The following PRKCA variants were observed in gnomAD, a reference collection of about 807,000 sequenced individuals.
PRKCA encodes the protein protein kinase C alpha type.
PRKCA carries 27 observed loss-of-function variants against 87.0 expected under a neutral mutation model. The observed-to-expected ratio is 0.31, with a 90% CI of 0.23 to 0.43. The LOEUF (loss-of-function observed/expected upper bound fraction) is 0.43. PRKCA is among the 20% of genes least tolerant of loss of function. The probability of loss-of-function intolerance (pLI) is 1.00; values close to 1 mark genes in which losing one functional copy is unlikely to be tolerated. For missense variants in PRKCA, 518 were observed against 852.3 expected (o/e 0.61, Z 4.88); for synonymous variants, 329 against 311.1 (o/e 1.06, Z -0.61).
intron 2 of PRKCA, among the ~76,000 whole-genome samples, chr17:66,321,367 G>A (rs1905647079): frequency 6.6e-6 from 1 of 152,148 alleles, no homozygotes; most frequent in Admixed American, 6.6e-5. Context: ...ATACTCGGAG[G>A]ATGGACAGAA....
intron 5 of PRKCA, among the ~76,000 whole-genome samples, chr17:66,679,256 C>T (rs1021158903): frequency 2.7e-5 from 4 of 148,686 alleles, no homozygotes; most frequent in African/African-American, 1.0e-4. Flanking sequence ...TCTGGGCTCA[C>T]TGCAAGCTCT....
chr17:66,442,499 A>G (rs1268983654), intron 2 of PRKCA, among the ~76,000 whole-genome samples: 1 of 152,054 alleles, frequency 6.6e-6, no homozygotes, highest in East Asian at 1.9e-4. Context: ...TTCTGCCTGT[A>G]ATCATTTAAA....
At chr17:66,304,657 A>G (rs1904708276) in intron 1 of PRKCA, among the ~76,000 whole-genome samples, 1 of 152,222 alleles carries the variant, frequency 6.6e-6, no homozygotes, top group Non-Finnish European at 1.5e-5. Context: ...GGCAGGTCCC[A>G]TGATCGTGGT....
intron 3 of PRKCA, among the ~76,000 whole-genome samples, chr17:66,559,760 A>G (rs1425323975): frequency 6.6e-6 from 1 of 152,208 alleles, no homozygotes; most frequent in Non-Finnish European, 1.5e-5. Flanking sequence ...TTTCAAGTCA[A>G]CAGCTTAAAA....
At chr17:66,775,172 G>T in intron 14 of PRKCA, 14 of 963,092 alleles carry the variant, frequency 1.5e-5, no homozygotes, top group Non-Finnish European at 1.7e-5. Context: ...CCTGTGGTCA[G>T]TGCCCACCCC....
intron 2 of PRKCA, among the ~76,000 whole-genome samples, chr17:66,365,798 G>A (rs1253836341): frequency 6.6e-6 from 1 of 152,156 alleles, no homozygotes; most frequent in Non-Finnish European, 1.5e-5. Context: ...TTAAACGCAT[G>A]CCAAAGGCTC....
chr17:66,743,082 G>C (rs148339047), intron 13 of PRKCA, among the ~76,000 whole-genome samples: 1 of 152,204 alleles, frequency 6.6e-6, no homozygotes, highest in East Asian at 1.9e-4. Flanking sequence ...TGTAATCCCA[G>C]CACTTTGGGA....
intron 3 of PRKCA, among the ~76,000 whole-genome samples, chr17:66,607,837 C>G (rs1227995686): frequency 6.6e-6 from 1 of 152,050 alleles, no homozygotes; most frequent in East Asian, 1.9e-4. Context: ...ATTCAGTGGA[C>G]GTTGTCATTT....
At chr17:66,591,331 T>A (rs1598799518) in intron 3 of PRKCA, among the ~76,000 whole-genome samples, 3 of 151,614 alleles carry the variant, frequency 2.0e-5, no homozygotes, top group Middle Eastern at 3.4e-3. Flanking sequence ...TTTTTTTTTT[T>A]TTATTTTAGT....
intron 2 of PRKCA, among the ~76,000 whole-genome samples, chr17:66,422,054 G>T (rs185047180): frequency 6.6e-6 from 1 of 151,988 alleles, no homozygotes; most frequent in Non-Finnish European, 1.5e-5. Flanking sequence ...TCTCCTCCTT[G>T]TATCTTTACG....
In PRKCA at chr17:66,739,594, C is replaced by T. The variant is rs116985846; in HGVS notation, c.1322+739C>T. ...ACTTGCGCAGGATACCAGGATAACA[C>T]GTAAGCCCCTAAAAATCGGGGAGAG... On this transcript the variant is annotated intron_variant, in intron 11 of 16. Transcript: ENST00000413366. Among the ~76,000 whole-genome samples, 17 of 152,220 alleles carry T rather than the reference C, an allele frequency of 1.1e-4. No individual in the cohort carries two copies. The East Asian group carries it at 2.9e-3, about 26-fold the overall frequency.
intron 2 of PRKCA, among the ~76,000 whole-genome samples, chr17:66,378,098 G>A (rs1455105192): frequency 6.6e-6 from 1 of 151,954 alleles, no homozygotes; most frequent in African/African-American, 2.4e-5. Context: ...CCAAGTGGGT[G>A]GATCACCTGA....
rs1351963782 is a variant in PRKCA, at chr17:66,803,443, G to T, written c.1855-430G>T. Among the ~76,000 whole-genome samples the T allele has an allele frequency of 6.6e-6, 1 of 152,200 alleles. No individual in the cohort carries two copies. The highest frequency in any genetic ancestry group is 1.5e-5 in the Non-Finnish European group (1 of 68,042). On this transcript the variant is annotated intron_variant, in intron 16 of 16. Transcript: ENST00000413366. The surrounding 1 kb of genome is among the most constrained non-coding windows in gnomAD (Gnocchi z 4.4). The stretch of plus-strand genomic sequence containing the variant: ...ATTGCGGCAAAAAAACAGATGTGGG[G>T]CAGTAACTCACCCCGTCGCTTGGTC...
chr17:66,765,558 A>T (rs914341182), intron 13 of PRKCA, among the ~76,000 whole-genome samples: 4 of 142,764 alleles, frequency 2.8e-5, no homozygotes, highest in South Asian at 2.2e-4. Flanking sequence ...ATATGTCTTT[A>T]TATATATATA....
chr17:66,669,425 G>T lies in PRKCA; in HGVS notation c.530-17686G>T, dbSNP rs560912964. ...CCATGGTGATGAAAGAGAGAATAAT[G>T]AAAAATGGAAGACTGGGAACAGGAT... On this transcript the variant is annotated intron_variant, in intron 5 of 16. Coordinates refer to ENST00000413366, the MANE Select transcript of PRKCA (RefSeq NM_002737.3). Among the ~76,000 whole-genome samples, 59 of 151,938 alleles carry T rather than the reference G, an allele frequency of 3.9e-4. No individual in the cohort carries two copies. In the South Asian group the frequency reaches 0.012, roughly 31 times the overall value.
At chr17:66,618,693 G>C (rs903078400) in intron 3 of PRKCA, among the ~76,000 whole-genome samples, 15 of 152,160 alleles carry the variant, frequency 9.9e-5, no homozygotes, top group African/African-American at 2.7e-4. Flanking sequence ...TTAATAAAAG[G>C]CTGTGTGACT....
At chr17:66,705,303 A>C (rs540952786) in intron 8 of PRKCA, among the ~76,000 whole-genome samples, 1 of 152,342 alleles carries the variant, frequency 6.6e-6, no homozygotes, top group Non-Finnish European at 1.5e-5. Context: ...TCAAACACTC[A>C]TTAGATCACT....
chr17:66,694,683 T>G (rs1036046963), intron 8 of PRKCA, among the ~76,000 whole-genome samples: 3 of 149,582 alleles, frequency 2.0e-5, no homozygotes, highest in Non-Finnish European at 4.4e-5. Context: ...TGCCCTCTGA[T>G]CTTTTACAAA....
intron 13 of PRKCA, among the ~76,000 whole-genome samples, chr17:66,764,436 C>G (rs560053533): frequency 5.5e-4 from 83 of 152,288 alleles, no homozygotes; most frequent in African/African-American, 1.9e-3. Flanking sequence ...AGGCCCTTGG[C>G]CTTGTACAAG....
Sources: gnomAD v4.1 joint callset for allele counts (sites outside exome capture counted in the v4.1 genomes callset) on GRCh38, gnomAD v4.1.1 for gene constraint, Gnocchi (gnomAD v3.1) non-coding constraint, MANE v1.5 for transcripts, NCBI Gene and HGNC (gene_info 2026-07-23, HGNC 2026-07-21) for gene names.